The following HECW1 variants were observed in gnomAD, a reference collection of about 807,000 sequenced individuals.
HECW1 encodes the protein E3 ubiquitin-protein ligase HECW1.
Under a neutral mutation model 182.3 loss-of-function variants are expected in HECW1, and 61 were observed. That is an observed-to-expected ratio of 0.33 (90% CI 0.27 to 0.41). The LOEUF (loss-of-function observed/expected upper bound fraction) is 0.41. Ranked by LOEUF, HECW1 falls within the 10% of genes least tolerant of loss-of-function variation. The pLI is 1.00. For missense variants in HECW1, 1,739 were observed against 2,108.9 expected, an observed-to-expected ratio of 0.82 and a Z score of 3.44; for synonymous variants, 859 against 832.6, an observed-to-expected ratio of 1.03 and a Z score of -0.55.
At chr7:43,141,507 G>GT (rs796935088) in intron 2 of HECW1, among the ~76,000 whole-genome samples, 52 of 149,366 alleles carry the variant, frequency 3.5e-4, no homozygotes, top group African/African-American at 9.3e-4. Flanking sequence ...TTTGGATTTT[G>GT]TTTTTTTTTT....
intron 2 of HECW1, among the ~76,000 whole-genome samples, chr7:43,120,345 C>G (rs1785470061): frequency 6.6e-6 from 1 of 152,164 alleles, no homozygotes; most frequent in South Asian, 2.1e-4. Context: ...ACAATGTGCT[C>G]TCTTCCATCT....
At chr7:43,412,933 T>TAGC (rs1172329342) in intron 8 of HECW1, among the ~76,000 whole-genome samples, 2 of 148,568 alleles carry the variant, frequency 1.3e-5, no homozygotes, top group Non-Finnish European at 3.0e-5. Context: ...TGTGTCTTTA[T>TAGC]AGCAGCATGA....
chr7:43,214,786 CAG>C (rs1796300404), intron 2 of HECW1, among the ~76,000 whole-genome samples: 1 of 152,230 alleles, frequency 6.6e-6, no homozygotes, highest in South Asian at 2.1e-4. Context: ...GAGGAACCCC[CAG>C]AGAGGGGCCA....
chr7:43,279,599 G>A (rs1001713157), intron 3 of HECW1, among the ~76,000 whole-genome samples: 6 of 152,178 alleles, frequency 3.9e-5, no homozygotes, highest in Non-Finnish European at 7.4e-5. Context: ...CAGGCTATGC[G>A]TCTGCCTAGA....
chr7:43,283,767 G>A (rs1363409490), intron 3 of HECW1, among the ~76,000 whole-genome samples: 1 of 152,200 alleles, frequency 6.6e-6, no homozygotes, highest in East Asian at 1.9e-4. Context: ...TGACTTGGAA[G>A]AGGAAAAACA....
At chr7:43,237,037 C>A (rs188601811) in intron 2 of HECW1, among the ~76,000 whole-genome samples, 21 of 137,022 alleles carry the variant, frequency 1.5e-4, no homozygotes, top group Non-Finnish European at 1.8e-4. Context: ...AAAGAAGAGA[C>A]TATAAAGGTA....
At chr7:43,548,518 T>G (rs2081659465) in intron 26 of HECW1, among the ~76,000 whole-genome samples, 2 of 152,198 alleles carry the variant, frequency 1.3e-5, no homozygotes, top group Non-Finnish European at 2.9e-5. Context: ...TTTGTCAAGT[T>G]GTTAGACAGT....
chr7:43,246,772 G>A (rs1343760597), intron 3 of HECW1, among the ~76,000 whole-genome samples: 1 of 152,190 alleles, frequency 6.6e-6, no homozygotes, highest in Non-Finnish European at 1.5e-5. Context: ...CCCTGAGAGG[G>A]CAAGAGAGAA....
chr7:43,407,731 G>A lies in HECW1; in HGVS notation c.801G>A (p.Glu267=), dbSNP rs758765722. The A allele has an allele frequency of 1.2e-6, 2 of 1,609,306 alleles. No homozygotes were observed. Among genetic ancestry groups the A allele is most frequent in the Non-Finnish European group, 8.5e-7 (1 of 1,176,774 alleles). Reference sequence around the variant, plus strand: ...CCGTGAACCCCATCTGGCAGGCCGAGGTGAGTGCTGTGGGCCCTGAAAAAA... The same window carrying A: ...CCGTGAACCCCATCTGGCAGGCCGAAGTGAGTGCTGTGGGCCCTGAAAAAA... The part of the protein sequence containing the change: ...GNTVNPIWQA[E]QFSFVSLPTD... The change falls in exon 8 of 30, where the codon GAG becomes GAA. Residue 267 remains glutamate, a splice_region_variant and synonymous_variant. Transcript: ENST00000395891.
At chr7:43,363,858 G>C (rs1816279040) in intron 6 of HECW1, among the ~76,000 whole-genome samples, 1 of 152,200 alleles carries the variant, frequency 6.6e-6, no homozygotes, top group African/African-American at 2.4e-5. Context: ...TATGGTGATG[G>C]AGCAGAACCA....
chr7:43,487,964 AAGAG>A (rs142459103), intron 17 of HECW1, among the ~76,000 whole-genome samples: 387 of 147,320 alleles, frequency 2.6e-3, no homozygotes, highest in Non-Finnish European at 3.7e-3. Flanking sequence ...AAAAAAAAGG[AAGAG>A]AGAGAGAGAG....
intron 5 of HECW1, among the ~76,000 whole-genome samples, chr7:43,351,591 T>C (rs535085691): frequency 1.3e-5 from 2 of 152,070 alleles, no homozygotes; most frequent in African/African-American, 4.8e-5. Flanking sequence ...CTACTTGTTA[T>C]GGAACATATG....
At chr7:43,296,748 C>T (rs1311991803) in intron 3 of HECW1, among the ~76,000 whole-genome samples, 25 of 152,182 alleles carry the variant, frequency 1.6e-4, no homozygotes, top group Non-Finnish European at 1.5e-5. Context: ...CAACAACGTT[C>T]TTCTTGACAT....
intron 3 of HECW1, among the ~76,000 whole-genome samples, chr7:43,282,049 A>G (rs1240788964): frequency 6.6e-6 from 1 of 152,042 alleles, no homozygotes; most frequent in African/African-American, 2.4e-5. Context: ...TCTGCCTCAG[A>G]TATTAGTTGT....
At position 43,555,997 on chromosome 7, in the gene HECW1, G is replaced by A. The variant is rs543484746; in HGVS notation, c.4709+1207G>A. Among the ~76,000 whole-genome samples the A allele has an allele frequency of 1.2e-4, 18 of 152,368 alleles. No individual in the cohort carries two copies. The Middle Eastern group carries it at 0.014, about 115-fold the overall frequency. ...CTTGAGTCATCACTGATGATAGCAT[G>A]CAGCTTGAGGAGGGGCTGAGCTACA... is the stretch of plus-strand genomic sequence containing the variant. On this transcript the variant is annotated intron_variant, in intron 29 of 29. Transcript: ENST00000395891.
chr7:43,219,740 TCG>T (rs1796790432), intron 2 of HECW1, among the ~76,000 whole-genome samples: 1 of 152,174 alleles, frequency 6.6e-6, no homozygotes, highest in South Asian at 2.1e-4. Flanking sequence ...AAGTCAGGGG[TCG>T]ATCTTTAATT....
intron 3 of HECW1, chr7:43,274,193 T>C: frequency 1.9e-6 from 1 of 513,708 alleles, no homozygotes; most frequent in Non-Finnish European, 3.4e-6. Flanking sequence ...GAGTACAAGG[T>C]GGTGGTCTCT....
At chr7:43,136,396 T>G (rs1199305523) in intron 2 of HECW1, among the ~76,000 whole-genome samples, 1 of 152,244 alleles carries the variant, frequency 6.6e-6, no homozygotes, top group Non-Finnish European at 1.5e-5. Flanking sequence ...TCTTTAGCTC[T>G]TCATTCCCAA....
chr7:43,543,082 C>A (rs970580650), intron 26 of HECW1, among the ~76,000 whole-genome samples: 2 of 152,210 alleles, frequency 1.3e-5, no homozygotes, highest in Admixed American at 6.5e-5. Flanking sequence ...ATTTATATAA[C>A]ATCAAATCTT....
Sources: allele counts gnomAD v4.1 joint callset (sites outside exome capture counted in the v4.1 genomes callset), GRCh38; gene constraint gnomAD v4.1.1; transcripts MANE v1.5; gene names NCBI Gene and HGNC (gene_info 2026-07-23, HGNC 2026-07-21).